ADAM18: variants seen among roughly 807,000 people sequenced by gnomAD.
The protein encoded by ADAM18 is ADAM metallopeptidase domain 18.
ADAM18 carries 117 observed loss-of-function variants against 94.4 expected under a neutral mutation model. That is an observed-to-expected ratio of 1.24 (90% CI 1.07 to 1.45). ADAM18 has a LOEUF of 1.45. Among genes scored for constraint, ADAM18 ranks in the 40% most tolerant of loss-of-function variants. The pLI is 0.00. For synonymous variants in ADAM18, 327 were observed against 291.6 expected (o/e 1.12, Z -1.24); for missense variants, 936 against 880.0 (o/e 1.06, Z -0.81).
intron 5 of ADAM18, 126 bp from the exon 6 acceptor site, chr8:39,610,403 A>G (rs1460649330): frequency 8.3e-7 from 1 of 1,207,834 alleles, no homozygotes; most frequent in Non-Finnish European, 1.1e-6. Context: ...ATGGAAAAAG[A>G]AAATGGGCTT....
rs190079593 is a variant in ADAM18 at position 39,643,787 on chromosome 8, C to T, written c.910-1551C>T. On this transcript the variant is annotated intron_variant, in intron 10 of 19. Transcript: ENST00000265707. ...GTGTCTCTGTCACTTTATCTAAATACCTTCTTTTTATAAGAGTGCCATTTA... is the reference window on the plus strand; with the variant it reads ...GTGTCTCTGTCACTTTATCTAAATATCTTCTTTTTATAAGAGTGCCATTTA... Among the ~76,000 whole-genome samples the T allele has an allele frequency of 2.6e-5, 4 of 151,326 alleles. No individual in the cohort carries two copies. The East Asian group carries it at 7.8e-4, about 29-fold the overall frequency.
intron 7 of ADAM18, among the ~76,000 whole-genome samples, chr8:39,634,970 C>G (rs1317253053): frequency 6.6e-6 from 1 of 152,092 alleles, no homozygotes; most frequent in Non-Finnish European, 1.5e-5. Flanking sequence ...GGTATTAAAA[C>G]TTAATGGCCA....
intron 18 of ADAM18, among the ~76,000 whole-genome samples, chr8:39,709,504 T>C (rs1314855523): frequency 1.3e-5 from 2 of 152,220 alleles, no homozygotes; most frequent in Non-Finnish European, 2.9e-5. Context: ...GCTTTTCAGC[T>C]TGAGGTTCAG....
At chr8:39,617,659 A>G (rs1304374633) in intron 6 of ADAM18, among the ~76,000 whole-genome samples, 1 of 152,234 alleles carries the variant, frequency 6.6e-6, no homozygotes, top group African/African-American at 2.4e-5. Flanking sequence ...ACACAGCCAT[A>G]AAGAATACTG....
intron 11 of ADAM18, among the ~76,000 whole-genome samples, chr8:39,647,853 C>T (rs1384181748): frequency 6.6e-6 from 1 of 152,162 alleles, no homozygotes; most frequent in East Asian, 1.9e-4. Context: ...AAGGTTGGGG[C>T]AAAGTGGCTA....
chr8:39,616,151 C>T (rs1030786128), intron 6 of ADAM18, among the ~76,000 whole-genome samples: 2 of 152,288 alleles, frequency 1.3e-5, no homozygotes, highest in East Asian at 3.9e-4. Flanking sequence ...TGCCTGTAAT[C>T]TCAGCACTTT....
intron 18 of ADAM18, among the ~76,000 whole-genome samples, chr8:39,708,316 A>G (rs542570045): frequency 6.6e-6 from 1 of 152,334 alleles, no homozygotes; most frequent in African/African-American, 2.4e-5. Context: ...GTTAGAACAC[A>G]GTACTAATAA....
intron 16 of ADAM18, among the ~76,000 whole-genome samples, chr8:39,686,799 T>G (rs978424461): frequency 6.6e-6 from 1 of 152,240 alleles, no homozygotes; most frequent in Non-Finnish European, 1.5e-5. Flanking sequence ...CAGAACTCTG[T>G]GCAATTGGAA....
intron 7 of ADAM18, among the ~76,000 whole-genome samples, chr8:39,631,450 T>C (rs755165749): frequency 6.6e-6 from 1 of 151,932 alleles, no homozygotes; most frequent in Non-Finnish European, 1.5e-5. Context: ...TGTCTCTTAC[T>C]CCATTCAGTT....
At chr8:39,636,061 C>A (rs1303246647) in intron 7 of ADAM18, among the ~76,000 whole-genome samples, 1 of 148,480 alleles carries the variant, frequency 6.7e-6, no homozygotes, top group Non-Finnish European at 1.5e-5. Flanking sequence ...CTCTCTCATG[C>A]AGCCTGGAGT....
intron 12 of ADAM18, among the ~76,000 whole-genome samples, chr8:39,657,079 A>G (rs1029668759): frequency 3.9e-5 from 6 of 152,246 alleles, no homozygotes; most frequent in Admixed American, 2.6e-4. Context: ...AAGCAGAGAA[A>G]TAGCCCAAAT....
chr8:39,680,782 G>C (rs1821435919), intron 16 of ADAM18, among the ~76,000 whole-genome samples: 1 of 152,126 alleles, frequency 6.6e-6, no homozygotes, highest in African/African-American at 2.4e-5. Context: ...TGCAATATAA[G>C]GGCACATGTT....
chr8:39,669,649 A>C (rs948110183), intron 14 of ADAM18, among the ~76,000 whole-genome samples: 13 of 151,720 alleles, frequency 8.6e-5, no homozygotes, highest in Non-Finnish European at 1.6e-4. Flanking sequence ...TGAACTCATC[A>C]TTTTTTATGG....
rs1822828882 is a variant in ADAM18 at position 39,723,877 on chromosome 8, C to A, written c.2147C>A (p.Ser716Ter). The change falls in exon 19 of 20, where the codon TCA becomes TAA. Residue 716 changes from serine (S) to a stop codon, truncating the protein, a stop_gained. Coordinates refer to ENST00000265707, the MANE Select transcript of ADAM18 (RefSeq NM_014237.3). LOFTEE classifies it low-confidence loss of function (END_TRUNC). ...TTTAAAAGAAATGAAATAAGTAAATCATGTAACAGAGAGAATGCAGAGTAT... is the reference window on the plus strand; with the variant it reads ...TTTAAAAGAAATGAAATAAGTAAATAATGTAACAGAGAGAATGCAGAGTAT... Reference protein sequence around the residue: ...VIFKRNEISKSCNRENAEYNR... With the variant: ...VIFKRNEISK 6.4e-7 allele frequency: 1 copy of A among 1,557,388 alleles called. No individual in the cohort carries two copies. The highest frequency in any genetic ancestry group is 8.7e-7 in the Non-Finnish European group (1 of 1,149,852).
intron 6 of ADAM18, among the ~76,000 whole-genome samples, chr8:39,623,573 ATT>A (rs1372843174): frequency 6.6e-6 from 1 of 151,432 alleles, no homozygotes; most frequent in African/African-American, 2.4e-5. Context: ...TCTCATTATA[ATT>A]TTTTGTTTGT....
intron 2 of ADAM18, among the ~76,000 whole-genome samples, chr8:39,588,532 G>A (rs534895302): frequency 5.3e-5 from 8 of 152,154 alleles, no homozygotes; most frequent in Admixed American, 3.9e-4. Context: ...TAAAACAATG[G>A]CTTAAATTTT....
chr8:39,612,228 C>G (rs1042702430), intron 6 of ADAM18, among the ~76,000 whole-genome samples: 5 of 151,558 alleles, frequency 3.3e-5, no homozygotes, highest in Middle Eastern at 3.2e-3. Flanking sequence ...AAGATCAACA[C>G]ATTCTGAGCA....
At chr8:39,711,257 C>G (rs1822387766) in intron 18 of ADAM18, among the ~76,000 whole-genome samples, 1 of 152,116 alleles carries the variant, frequency 6.6e-6, no homozygotes, top group African/African-American at 2.4e-5. Context: ...CTTCAAAAAT[C>G]AAGAAACTGG....
chr8:39,594,793 G>GTTTTTT (rs71237182), intron 2 of ADAM18, among the ~76,000 whole-genome samples: 1 of 46,864 alleles, frequency 2.1e-5, no homozygotes, highest in Non-Finnish European at 4.0e-5. Flanking sequence ...TTTGCTGTGA[G>GTTTTTT]TTTTTTTTTT....
Sources: gnomAD v4.1 joint callset for allele counts (sites outside exome capture counted in the v4.1 genomes callset) on GRCh38, gnomAD v4.1.1 for gene constraint, MANE v1.5 for transcripts, NCBI Gene and HGNC (gene_info 2026-07-23, HGNC 2026-07-21) for gene names.